Variants in CPA6 observed in about 807,000 individuals in gnomAD.
CPA6 encodes the protein carboxypeptidase A6, also known as carboxypeptidase B.
A neutral mutation model predicts 63.3 loss-of-function variants in CPA6; 58 were observed. That is an observed-to-expected ratio of 0.92 (90% CI 0.74 to 1.14). CPA6 has a LOEUF of 1.14. CPA6 is among the 50% of genes most tolerant of loss of function. The pLI is 0.00. For synonymous variants in CPA6, 185 were observed against 179.0 expected (o/e 1.03, Z -0.27); for missense variants, 565 against 526.6 (o/e 1.07, Z -0.71).
At chr8:67,644,179 C>T (rs1032324454) in intron 1 of CPA6, among the ~76,000 whole-genome samples, 1 of 150,884 alleles carries the variant, frequency 6.6e-6, no homozygotes, top group Non-Finnish European at 1.5e-5. Flanking sequence ...AGTGCAGTGG[C>T]GCCATTTCGG....
chr8:67,602,963 T>C (rs1814534467), intron 2 of CPA6, among the ~76,000 whole-genome samples: 1 of 152,188 alleles, frequency 6.6e-6, no homozygotes, highest in South Asian at 2.1e-4. Flanking sequence ...CTGTGCTTTC[T>C]CTATCTTCCT....
chr8:67,617,715 T>C (rs115157588), intron 2 of CPA6, among the ~76,000 whole-genome samples: 1 of 152,352 alleles, frequency 6.6e-6, no homozygotes, highest in African/African-American at 2.4e-5. Flanking sequence ...GGGCATGGTG[T>C]GGATTCTCTG....
At chr8:67,600,117 T>C (rs1814455064) in intron 2 of CPA6, among the ~76,000 whole-genome samples, 1 of 151,962 alleles carries the variant, frequency 6.6e-6, no homozygotes, top group African/African-American at 2.4e-5. Context: ...AAAATTTTAT[T>C]ATTATTATAC....
intron 2 of CPA6, among the ~76,000 whole-genome samples, chr8:67,548,615 A>T (rs561834014): frequency 6.6e-6 from 1 of 152,320 alleles, no homozygotes; most frequent in South Asian, 2.1e-4. Flanking sequence ...CTATGAGATG[A>T]TATGTGATTA....
intron 1 of CPA6, among the ~76,000 whole-genome samples, chr8:67,695,966 C>G (rs1816905818): frequency 6.6e-6 from 1 of 152,096 alleles, no homozygotes; most frequent in Admixed American, 6.5e-5. Flanking sequence ...GGGCTCCCAC[C>G]AGAAGATAAC....
At chr8:67,425,734 CT>C (rs1209997211) in intron 10 of CPA6, among the ~76,000 whole-genome samples, 1 of 152,078 alleles carries the variant, frequency 6.6e-6, no homozygotes. Context: ...CTCAGATTCC[CT>C]TTGCTTCAGT....
At chr8:67,620,936 T>C (rs369636737) in intron 2 of CPA6, among the ~76,000 whole-genome samples, 26 of 152,320 alleles carry the variant, frequency 1.7e-4, no homozygotes, top group African/African-American at 2.6e-4. Context: ...CTCTAACTAA[T>C]AAGAGTGATT....
At chr8:67,704,439 TG>T (rs1427418132) in intron 1 of CPA6, among the ~76,000 whole-genome samples, 1 of 152,216 alleles carries the variant, frequency 6.6e-6, no homozygotes, top group African/African-American at 2.4e-5. Flanking sequence ...TAAAATGCTC[TG>T]AATGAGAGTC....
chr8:67,459,845 T>A (rs145636914), intron 8 of CPA6, among the ~76,000 whole-genome samples: 1,719 of 152,328 alleles, frequency 0.011, 15 homozygotes, highest in South Asian at 0.019. Flanking sequence ...GGTAATGATG[T>A]GTTAGTATAG....
intron 6 of CPA6, among the ~76,000 whole-genome samples, chr8:67,490,418 A>T (rs1340982573): frequency 6.6e-6 from 1 of 152,202 alleles, no homozygotes; most frequent in African/African-American, 2.4e-5. Flanking sequence ...AGGAAGACTT[A>T]AGTAGTCGGG....
intron 9 of CPA6, chr8:67,429,770 C>A (rs1809979447): frequency 6.6e-6 from 1 of 152,018 alleles, no homozygotes; most frequent in African/African-American, 2.4e-5. Context: ...AGTAAGGGAA[C>A]TTTGCTTCTC....
chr8:67,438,041 C>G (rs767354560), intron 8 of CPA6, among the ~76,000 whole-genome samples: 1 of 152,046 alleles, frequency 6.6e-6, no homozygotes, highest in Non-Finnish European at 1.5e-5. Flanking sequence ...CTCAGCCTCC[C>G]GAGTACCTGA....
intron 2 of CPA6, among the ~76,000 whole-genome samples, chr8:67,557,521 A>G (rs1369540160): frequency 6.6e-6 from 1 of 152,116 alleles, no homozygotes; most frequent in Non-Finnish European, 1.5e-5. Flanking sequence ...AGTTTTTCTT[A>G]CCCAATCTGA....
chr8:67,649,122 A>G (rs541046751), intron 1 of CPA6, among the ~76,000 whole-genome samples: 6 of 152,156 alleles, frequency 3.9e-5, no homozygotes, highest in East Asian at 1.9e-4. Flanking sequence ...TTTTTCATGG[A>G]AAGACGAAAA....
intron 8 of CPA6, among the ~76,000 whole-genome samples, chr8:67,477,057 G>A (rs1811256210): frequency 6.6e-6 from 1 of 151,994 alleles, no homozygotes; most frequent in Non-Finnish European, 1.5e-5. Context: ...TTGAGAGGCC[G>A]AGGCAGGTGG....
At chr8:67,688,597 G>T (rs553686426) in intron 1 of CPA6, among the ~76,000 whole-genome samples, 1 of 152,222 alleles carries the variant, frequency 6.6e-6, no homozygotes, top group East Asian at 1.9e-4. Flanking sequence ...GCTGAGGTTT[G>T]TGTCAAAAAC....
rs577746241 is a variant in CPA6 at position 67,699,628 on chromosome 8, C to T, written c.116+46386G>A. Among the ~76,000 whole-genome samples, 5 of 151,568 alleles carry T rather than the reference C, an allele frequency of 3.3e-5. No individual in the cohort carries two copies. In the South Asian group the frequency reaches 8.3e-4, roughly 25 times the overall value. On this transcript the variant is annotated intron_variant, in intron 1 of 10. Transcript: ENST00000297770. The stretch of plus-strand genomic sequence containing the variant: ...TTGAGACAGAGTTTCACTCTTGTTG[C>T]CCAGGCTGGAGTACAATGGCACTAT...
intron 1 of CPA6, among the ~76,000 whole-genome samples, chr8:67,670,141 A>T (rs1369692578): frequency 6.6e-6 from 1 of 152,202 alleles, no homozygotes; most frequent in African/African-American, 2.4e-5. Context: ...GTCCATTGTC[A>T]CACTGCTATA....
chr8:67,615,433 A>T (rs1814920381), intron 2 of CPA6, among the ~76,000 whole-genome samples: 1 of 152,232 alleles, frequency 6.6e-6, no homozygotes, highest in Non-Finnish European at 1.5e-5. Context: ...TTAGATTCAC[A>T]TTTAACAAAG....
Sources: gnomAD v4.1 joint callset for allele counts (sites outside exome capture counted in the v4.1 genomes callset) on GRCh38, gnomAD v4.1.1 for gene constraint, MANE v1.5 for transcripts, NCBI Gene and HGNC (gene_info 2026-07-23, HGNC 2026-07-21) for gene names.